Variants in KDM4C observed in about 807,000 individuals in gnomAD.
KDM4C encodes the protein lysine demethylase 4C.
In KDM4C, 81 loss-of-function variants were observed where a neutral mutation model predicts 129.3. That is an observed-to-expected ratio of 0.63 (90% CI 0.52 to 0.75). The LOEUF (loss-of-function observed/expected upper bound fraction) is 0.75, where lower values mean the gene tolerates loss of function less well. Among genes scored for constraint, KDM4C ranks in the 30% least tolerant of loss-of-function variants. The pLI is 0.00. For synonymous variants in KDM4C, 573 were observed against 456.1 expected (o/e 1.26, Z -3.26); for missense variants, 1,457 against 1,304.0 (o/e 1.12, Z -1.81).
At chr9:6,839,104 A>G (rs10975842) in intron 4 of KDM4C, among the ~76,000 whole-genome samples, 13 of 152,338 alleles carry the variant, frequency 8.5e-5, no homozygotes, top group Non-Finnish European at 1.5e-4. Context: ...CCTAGCTTTA[A>G]GTTGCCAGCA....
chr9:6,982,226 T>TC (rs1419782449), intron 9 of KDM4C: 1 of 150,108 alleles, frequency 6.7e-6, no homozygotes, highest in Non-Finnish European at 1.5e-5. Context: ...CTTTTTTTTT[T>TC]CCCTGATATT....
At chr9:6,770,801 A>C (rs1563965828) in intron 1 of KDM4C, among the ~76,000 whole-genome samples, 1 of 119,764 alleles carries the variant, frequency 8.3e-6, no homozygotes, top group Non-Finnish European at 1.6e-5. Context: ...TTTGAGATGG[A>C]ATCTCGCTCT....
At chr9:6,924,769 T>C (rs1471696116) in intron 8 of KDM4C, 6 of 983,430 alleles carry the variant, frequency 6.1e-6, no homozygotes, top group Non-Finnish European at 7.2e-6. Context: ...ACTTAAAATG[T>C]TTAAAGTTAT....
intron 4 of KDM4C, among the ~76,000 whole-genome samples, chr9:6,817,610 T>C (rs1380223541): frequency 6.6e-6 from 1 of 152,168 alleles, no homozygotes; most frequent in East Asian, 1.9e-4. Flanking sequence ...TTCCTCATTC[T>C]GCATCTGAAT....
chr9:6,906,384 C>A (rs6477126), intron 8 of KDM4C, among the ~76,000 whole-genome samples: 84,295 of 151,956 alleles, frequency 0.55, 23,894 homozygotes, highest in African/African-American at 0.68. Context: ...CGTGGTATAC[C>A]GTTCCTAAGT....
intron 1 of KDM4C, among the ~76,000 whole-genome samples, chr9:6,790,001 C>T (rs1464067468): frequency 2.0e-5 from 3 of 151,148 alleles, no homozygotes; most frequent in Admixed American, 6.6e-5. Flanking sequence ...AGGCTGGGTG[C>T]GGTGGCTCAC....
intron 1 of KDM4C, among the ~76,000 whole-genome samples, chr9:6,776,900 C>T (rs899807339): frequency 6.6e-6 from 1 of 152,224 alleles, no homozygotes; most frequent in African/African-American, 2.4e-5. Context: ...GCGTGCTGGG[C>T]CTCAATCCCA....
chr9:7,113,317 AATATTT>A (rs1260153343), intron 18 of KDM4C, among the ~76,000 whole-genome samples: 7 of 152,242 alleles, frequency 4.6e-5, no homozygotes, highest in Non-Finnish European at 7.3e-5. Flanking sequence ...TGGAAGGAGG[AATATTT>A]AGCACAGACC....
intron 7 of KDM4C, 53 bp from the exon 8 acceptor site, chr9:6,893,042 A>G (rs895296679): frequency 6.9e-6 from 9 of 1,311,152 alleles, no homozygotes; most frequent in Middle Eastern, 2.0e-4. Flanking sequence ...AATTGTATTC[A>G]TAATTTAGGA....
At chr9:6,767,562 G>T (rs1282212641) in intron 1 of KDM4C, among the ~76,000 whole-genome samples, 1 of 152,126 alleles carries the variant, frequency 6.6e-6, no homozygotes, top group Non-Finnish European at 1.5e-5. Flanking sequence ...AGTCTCCCGA[G>T]TAGCTGGGAC....
intron 8 of KDM4C, among the ~76,000 whole-genome samples, chr9:6,914,983 CCTAT>C (rs1236191766): frequency 3.3e-5 from 5 of 152,194 alleles, no homozygotes; most frequent in Admixed American, 1.3e-4. Flanking sequence ...TTGCTGTCTA[CCTAT>C]CTTTCTCTAT....
At chr9:7,091,067 C>A (rs1021206476) in intron 17 of KDM4C, among the ~76,000 whole-genome samples, 1 of 152,172 alleles carries the variant, frequency 6.6e-6, no homozygotes, top group Non-Finnish European at 1.5e-5. Flanking sequence ...AAAACCCCCC[C>A]AAAACCTCCA....
chr9:6,772,801 T>C (rs1300382680), intron 1 of KDM4C, among the ~76,000 whole-genome samples: 2 of 150,846 alleles, frequency 1.3e-5, no homozygotes, highest in Admixed American at 1.3e-4. Flanking sequence ...CAAGCAGTTC[T>C]CCTGCCTCAG....
Position 6,984,228 on chromosome 9 carries a change from A to T in KDM4C, c.1178A>T (p.Asp393Val), listed in dbSNP as rs1817282420. Residue 393 changes from aspartate (D) to valine (V), a missense_variant, in exon 10 of 22, where the codon GAT (aspartate) becomes GTT (valine). Physicochemically the swap from Asp to Val is radical, Grantham distance 152. Coordinates refer to ENST00000381309, the MANE Select transcript of KDM4C (RefSeq NM_015061.6). Reference sequence around the variant, plus strand: ...GCTGATGAGGAAGAGGAAGTGTCAGATGAAGTCGATGGGGCAGAGGTCCCT... The same window carrying T: ...GCTGATGAGGAAGAGGAAGTGTCAGTTGAAGTCGATGGGGCAGAGGTCCCT... ...PKADEEEEVS[D>V]EVDGAEVPNP... The T allele has an allele frequency of 2.5e-6, 4 of 1,613,862 alleles. No individual in the cohort carries two copies. The highest frequency in any genetic ancestry group is 2.5e-6 in the Non-Finnish European group (3 of 1,179,876).
chr9:6,891,859 TAAAA>T (rs1393459942), intron 7 of KDM4C, among the ~76,000 whole-genome samples: 1 of 152,014 alleles, frequency 6.6e-6, no homozygotes, highest in Non-Finnish European at 1.5e-5. Context: ...ATTTTTATCA[TAAAA>T]AAAGAAAATA....
chr9:6,722,556 C>T (rs1460225570), intron 1 of KDM4C, among the ~76,000 whole-genome samples: 2 of 151,566 alleles, frequency 1.3e-5, no homozygotes, highest in East Asian at 3.9e-4. Flanking sequence ...TCTTGTTGCC[C>T]AGGCTGGAGT....
intron 15 of KDM4C, among the ~76,000 whole-genome samples, chr9:7,033,942 CTG>C (rs1827204439): frequency 1.3e-5 from 2 of 152,012 alleles, no homozygotes; most frequent in East Asian, 3.9e-4. Context: ...TGTGGAAAAA[CTG>C]CAGTGCAGGC....
At chr9:7,073,032 T>G (rs1833420564) in intron 17 of KDM4C, among the ~76,000 whole-genome samples, 1 of 152,120 alleles carries the variant, frequency 6.6e-6, no homozygotes, top group Non-Finnish European at 1.5e-5. Flanking sequence ...AGAATGTAGA[T>G]GATCAGAGAA....
intron 18 of KDM4C, among the ~76,000 whole-genome samples, chr9:7,111,430 A>G (rs1397559372): frequency 6.6e-6 from 1 of 152,220 alleles, no homozygotes; most frequent in Admixed American, 6.5e-5. Context: ...AGCATTTTGG[A>G]TGAGAGATGT....
Sources: allele counts gnomAD v4.1 joint callset (sites outside exome capture counted in the v4.1 genomes callset), GRCh38; gene constraint gnomAD v4.1.1; transcripts MANE v1.5; gene names NCBI Gene and HGNC (gene_info 2026-07-23, HGNC 2026-07-21).